Variants in MTHFD1L observed in about 807,000 individuals in gnomAD.
MTHFD1L encodes monofunctional C1-tetrahydrofolate synthase, mitochondrial.
Under a neutral mutation model 119.5 loss-of-function variants are expected in MTHFD1L, and 81 were observed. The ratio of observed to expected loss-of-function variants is 0.68; its 90% CI spans 0.57 to 0.82. MTHFD1L has a LOEUF of 0.82. Among genes scored for constraint, MTHFD1L ranks in the 40% least tolerant of loss-of-function variants. The pLI is 0.00. For missense variants in MTHFD1L, 1,125 were observed against 1,253.4 expected (o/e 0.90, Z 1.55); for synonymous variants, 430 against 475.2 (o/e 0.90, Z 1.24).
intron 26 of MTHFD1L, among the ~76,000 whole-genome samples, chr6:151,045,994 A>G (rs1584297769): frequency 2.0e-5 from 3 of 152,200 alleles, no homozygotes. Flanking sequence ...ACTGTTTATC[A>G]TATTGACAAG....
chr6:150,959,840 G>A (rs1406492341), intron 17 of MTHFD1L, among the ~76,000 whole-genome samples: 8 of 152,172 alleles, frequency 5.3e-5, no homozygotes, highest in African/African-American at 4.8e-5. Context: ...CTCATGCTCC[G>A]TGCTGGGGAT....
At chr6:151,041,846 A>G (rs1787167244) in intron 26 of MTHFD1L, 1 of 531,520 alleles carries the variant, frequency 1.9e-6, no homozygotes, top group African/African-American at 1.9e-5. Context: ...CTTAAACAAT[A>G]AACATCTCCA....
chr6:151,066,608 A>G (rs997116344), intron 26 of MTHFD1L, among the ~76,000 whole-genome samples: 4 of 148,818 alleles, frequency 2.7e-5, no homozygotes, highest in Non-Finnish European at 6.0e-5. Flanking sequence ...TACTAAACAT[A>G]CAAAAAATTA....
intron 20 of MTHFD1L, among the ~76,000 whole-genome samples, chr6:150,976,375 T>C (rs1470118456): frequency 6.6e-6 from 1 of 152,194 alleles, no homozygotes; most frequent in Non-Finnish European, 1.5e-5. Flanking sequence ...TTCAAACTGC[T>C]TTGCAAACCC....
chr6:150,936,998 A>T, intron 12 of MTHFD1L, 58 bp downstream of exon 12: 1 of 1,580,608 alleles, frequency 6.3e-7, no homozygotes, highest in East Asian at 2.3e-5. Context: ...AGAGAATTGT[A>T]AAAAGAACAT....
intron 8 of MTHFD1L, among the ~76,000 whole-genome samples, chr6:150,909,266 T>A (rs1203724063): frequency 5.7e-5 from 8 of 140,402 alleles, no homozygotes; most frequent in Non-Finnish European, 1.1e-4. Context: ...GTAACTACTT[T>A]AAAAAAAAAA....
At chr6:151,008,557 G>A (rs1422892244) in intron 20 of MTHFD1L, among the ~76,000 whole-genome samples, 1 of 152,094 alleles carries the variant, frequency 6.6e-6, no homozygotes, top group Non-Finnish European at 1.5e-5. Context: ...CACGAATCAC[G>A]CATTGAGCAG....
chr6:151,022,186 C>A (rs1214803912), intron 24 of MTHFD1L: 2 of 365,600 alleles, frequency 5.5e-6, no homozygotes, highest in Admixed American at 6.8e-5. Context: ...TTTTTTAAGG[C>A]AGGATGTTTG....
chr6:150,998,426 C>CA (rs1780126961), intron 20 of MTHFD1L, among the ~76,000 whole-genome samples: 1 of 151,378 alleles, frequency 6.6e-6, no homozygotes, highest in South Asian at 2.1e-4. Flanking sequence ...TTAATGGTAC[C>CA]AAAAAAAAGT....
chr6:150,868,553 G>C (rs954502130), intron 1 of MTHFD1L, among the ~76,000 whole-genome samples: 4 of 151,848 alleles, frequency 2.6e-5, no homozygotes, highest in Non-Finnish European at 5.9e-5. Flanking sequence ...TGGCCAGGCT[G>C]GTCTCAAACT....
At chr6:151,052,445 C>T (rs1362345648) in intron 26 of MTHFD1L, among the ~76,000 whole-genome samples, 1 of 152,162 alleles carries the variant, frequency 6.6e-6, no homozygotes, top group Admixed American at 6.5e-5. Context: ...AAAGGGCTCA[C>T]AGGTGCCAGG....
chr6:151,075,677 A>G (rs1474550457), intron 26 of MTHFD1L, among the ~76,000 whole-genome samples: 1 of 152,222 alleles, frequency 6.6e-6, no homozygotes, highest in Non-Finnish European at 1.5e-5. Context: ...TCAAACGTAC[A>G]CAGAACATTT....
At chr6:150,970,923 G>A (rs1320515224) in intron 19 of MTHFD1L, among the ~76,000 whole-genome samples, 1 of 152,090 alleles carries the variant, frequency 6.6e-6, no homozygotes, top group Admixed American at 6.5e-5. Context: ...TTTCCTCCGT[G>A]GCCCTGAAGA....
intron 24 of MTHFD1L, among the ~76,000 whole-genome samples, chr6:151,030,192 A>G (rs1785139050): frequency 1.3e-5 from 2 of 152,240 alleles, no homozygotes; most frequent in South Asian, 4.1e-4. Context: ...AAATAAATTC[A>G]GGGAGGTTAC....
At position 150,956,031 on chromosome 6, in the gene MTHFD1L, C is replaced by G. The variant is rs1434522148; in HGVS notation, c.1763C>G (p.Thr588Ser). ...DTNDRFLRKI[T>S]IGQGNTEKGH... ...AATGACCGATTTCTACGAAAAATAA[C>G]CATCGGGCAGGGAAACACAGAGAAG... Residue 588 changes from threonine (T) to serine (S), a missense_variant, in exon 17 of 28, where the codon ACC (threonine) becomes AGC (serine). Thr to Ser is a moderately conservative substitution (Grantham distance 58). This residue lies in a region of MTHFD1L where 1,058 missense variants were observed against 1,151.2 expected (regional missense o/e 0.92). Coordinates refer to ENST00000367321, the MANE Select transcript of MTHFD1L (RefSeq NM_015440.5). The G allele has an allele frequency of 6.2e-7, 1 of 1,613,996 alleles. No homozygotes were observed. Among genetic ancestry groups the G allele is most frequent in the Non-Finnish European group, 8.5e-7 (1 of 1,179,970 alleles).
chr6:150,905,657 A>T lies in MTHFD1L; in HGVS notation c.788A>T (p.Glu263Val). ...KTRQLQSKLHEADIVVLGSPK... is the reference protein window; with the variant it reads ...KTRQLQSKLHVADIVVLGSPK... ...TTTTCTTTCTCCTTTTAGCTTCACG[A>T]GGCTGACATTGTGGTCCTAGGCTCA... is the stretch of plus-strand genomic sequence containing the variant. Residue 263 changes from glutamate to valine, a missense_variant, in exon 8 of 28, where the codon GAG becomes GTG. Glu to Val is a moderately radical substitution (Grantham distance 121). Transcript: ENST00000367321. 6.2e-7 allele frequency: 1 copy of T among 1,613,744 alleles called. No homozygotes were observed. Among genetic ancestry groups the T allele is most frequent in the Non-Finnish European group, 8.5e-7 (1 of 1,179,754 alleles).
chr6:150,870,638 C>T (rs947215925), intron 1 of MTHFD1L, among the ~76,000 whole-genome samples: 161 of 152,142 alleles, frequency 1.1e-3, no homozygotes, highest in Non-Finnish European at 1.8e-3. Flanking sequence ...TAAGGCCGGG[C>T]GTGGTAGCTC....
At chr6:151,074,710 TATAA>T (rs1370318071) in intron 26 of MTHFD1L, among the ~76,000 whole-genome samples, 9 of 152,226 alleles carry the variant, frequency 5.9e-5, no homozygotes, top group Admixed American at 2.0e-4. Context: ...TGTTTGCATG[TATAA>T]ATACTTACCA....
In MTHFD1L at chr6:150,916,236, A is replaced by T. The variant is rs138363932; in HGVS notation, c.893-2341A>T. The stretch of plus-strand genomic sequence containing the variant: ...AGGGAGGATGCAGGCTAAAGTATTT[A>T]GCATGTGTGTTTACTTTTATAAATT... On this transcript the variant is annotated intron_variant, in intron 8 of 27. Transcript: ENST00000367321. Among the ~76,000 whole-genome samples, 240 of 148,546 alleles carry T rather than the reference A, an allele frequency of 1.6e-3. 1 individual carries two copies. Among genetic ancestry groups the T allele is most frequent in the African/African-American group, 5.6e-3 (226 of 40,698 alleles).
Sources: allele counts gnomAD v4.1 joint callset (sites outside exome capture counted in the v4.1 genomes callset), GRCh38; gene constraint gnomAD v4.1.1; regional missense constraint gnomAD v4.1.1; transcripts MANE v1.5; gene names NCBI Gene and HGNC (gene_info 2026-07-23, HGNC 2026-07-21).